Variants in DENND2B observed in about 807,000 individuals in gnomAD.
DENND2B encodes the protein DENN domain-containing protein 2B.
In DENND2B, 32 loss-of-function variants were observed where a neutral mutation model predicts 116.0. That is an observed-to-expected ratio of 0.28 (90% confidence interval 0.21 to 0.37). The LOEUF (loss-of-function observed/expected upper bound fraction) is 0.37, where lower values mean the gene tolerates loss of function less well. Ranked by LOEUF, DENND2B falls within the 10% of genes least tolerant of loss-of-function variation. DENND2B has a pLI of 1.00. For missense variants in DENND2B, 1,276 were observed against 1,477.7 expected (o/e 0.86, Z 2.24); for synonymous variants, 588 against 583.9 (o/e 1.01, Z -0.10).
chr11:8,907,221 T>G (rs1783757286), intron 1 of DENND2B, among the ~76,000 whole-genome samples: 2 of 152,240 alleles, frequency 1.3e-5, no homozygotes, highest in Admixed American at 1.3e-4. Flanking sequence ...ATCAATAGTT[T>G]ATTTTTCTGT....
At chr11:8,810,835 T>TCTCTCTCC (rs2061335619), upstream of DENND2B, 1 of 152,974 alleles carries the variant, frequency 6.5e-6, no homozygotes, top group Non-Finnish European at 1.5e-5. Context: ...TCTCTCTCTC[T>TCTCTCTCC]CTCTCAGTTC....
intron 1 of DENND2B, among the ~76,000 whole-genome samples, chr11:8,906,870 A>C (rs1419493204): frequency 6.6e-6 from 1 of 152,210 alleles, no homozygotes; most frequent in African/African-American, 2.4e-5. Flanking sequence ...TCTGCTGGAG[A>C]AATAACAATA....
At chr11:8,886,907 C>T (rs968694624) in intron 1 of DENND2B, among the ~76,000 whole-genome samples, 2 of 152,126 alleles carry the variant, frequency 1.3e-5, no homozygotes, top group African/African-American at 2.4e-5. Flanking sequence ...TGGCTCACTG[C>T]AACCTCCACC....
chr11:8,882,199 C>A (rs1566081053), intron 1 of DENND2B, among the ~76,000 whole-genome samples: 2 of 152,212 alleles, frequency 1.3e-5, no homozygotes, highest in Non-Finnish European at 2.9e-5. Context: ...CTTTACATTA[C>A]ATTGCTGGCT....
chr11:8,718,099 C>CCCCCACCG, intron 4 of DENND2B: 1 of 282,172 alleles, frequency 3.5e-6, no homozygotes, highest in Non-Finnish European at 6.6e-6. Context: ...CAGACCCACC[C>CCCCCACCG]CCCCACCCCC....
chr11:8,807,555 G>A (rs201998777), intron 1 of DENND2B, among the ~76,000 whole-genome samples: 3 of 152,182 alleles, frequency 2.0e-5, no homozygotes, highest in African/African-American at 4.8e-5. Flanking sequence ...TCATCTTCCC[G>A]GGGTGACTGA....
intron 2 of DENND2B, among the ~76,000 whole-genome samples, chr11:8,750,178 C>T (rs1481164692): frequency 6.6e-6 from 1 of 152,162 alleles, no homozygotes; most frequent in Non-Finnish European, 1.5e-5. Context: ...ATCCATGATT[C>T]CAAAATCCAC....
upstream of DENND2B, among the ~76,000 whole-genome samples, chr11:8,813,187 A>C (rs1156688827): frequency 2.0e-5 from 3 of 152,270 alleles, no homozygotes; most frequent in Admixed American, 1.3e-4. Context: ...GATTGACTTG[A>C]GTTTAAAAGG....
chr11:8,839,548 G>A (rs897956464), intron 3 of DENND2B, among the ~76,000 whole-genome samples: 1 of 152,196 alleles, frequency 6.6e-6, no homozygotes, highest in Admixed American at 6.5e-5. Flanking sequence ...TTCTACCCAT[G>A]CTCAGGGCAA....
chr11:8,830,832 T>C (rs948009768), intron 4 of DENND2B: 3 of 152,240 alleles, frequency 2.0e-5, no homozygotes, highest in Non-Finnish European at 4.4e-5. Flanking sequence ...CCATTCTTCA[T>C]GTTCTGATCC....
chr11:8,792,208 C>A (rs1321823858), intron 1 of DENND2B, among the ~76,000 whole-genome samples: 3 of 152,152 alleles, frequency 2.0e-5, no homozygotes, highest in African/African-American at 7.2e-5. Flanking sequence ...CTATCTCACA[C>A]ACACACACAC....
At chr11:8,855,943 C>T (rs192983653) in intron 3 of DENND2B, among the ~76,000 whole-genome samples, 6 of 152,264 alleles carry the variant, frequency 3.9e-5, no homozygotes, top group Non-Finnish European at 7.4e-5. Flanking sequence ...TTCCAGTCAA[C>T]CAGCTAGAGA....
At chr11:8,784,123 A>G (rs1205090096) in intron 1 of DENND2B, 1 of 152,176 alleles carries the variant, frequency 6.6e-6, no homozygotes, top group Non-Finnish European at 1.5e-5. Context: ...GATCAGCCCC[A>G]GAGGAGGAGA....
chr11:8,893,300 G>C (rs1246952974), intron 1 of DENND2B, among the ~76,000 whole-genome samples: 1 of 152,160 alleles, frequency 6.6e-6, no homozygotes, highest in Non-Finnish European at 1.5e-5. Context: ...CATACTGAAT[G>C]GGCAAAAACT....
intron 1 of DENND2B, chr11:8,808,586 A>G (rs577246184): frequency 6.6e-6 from 1 of 152,356 alleles, no homozygotes; most frequent in African/African-American, 2.4e-5. Flanking sequence ...AAATGCAGAA[A>G]GGAAGAAGGC....
intron 4 of DENND2B, among the ~76,000 whole-genome samples, chr11:8,819,047 A>C (rs1190446758): frequency 1.3e-5 from 2 of 152,238 alleles, no homozygotes; most frequent in East Asian, 3.8e-4. Context: ...TTAGATCAAT[A>C]CTAAAGAAGT....
chr11:8,819,235 A>G (rs2061679834), intron 4 of DENND2B, among the ~76,000 whole-genome samples: 1 of 152,066 alleles, frequency 6.6e-6, no homozygotes, highest in South Asian at 2.1e-4. Context: ...ATCTCTACAA[A>G]AAATAAAAAA....
intron 1 of DENND2B, among the ~76,000 whole-genome samples, chr11:8,782,608 C>T (rs1003386975): frequency 1.3e-5 from 2 of 152,030 alleles, no homozygotes; most frequent in Non-Finnish European, 1.5e-5. Context: ...TATTGTTGGC[C>T]GGGCGCAGTG....
At chr11:8,827,185 C>G (rs1424930783) in intron 4 of DENND2B, among the ~76,000 whole-genome samples, 1 of 152,234 alleles carries the variant, frequency 6.6e-6, no homozygotes, top group African/African-American at 2.4e-5. Flanking sequence ...GCTCCTTACC[C>G]TGGGGTGATA....
Sources: allele counts gnomAD v4.1 joint callset (sites outside exome capture counted in the v4.1 genomes callset), GRCh38; gene constraint gnomAD v4.1.1; transcripts MANE v1.5; gene names NCBI Gene and HGNC (gene_info 2026-07-23, HGNC 2026-07-21).